Variants in GDNF observed in about 807,000 individuals in gnomAD.
The protein encoded by GDNF is glial cell derived neurotrophic factor.
In GDNF, 5 loss-of-function variants were observed where a neutral mutation model predicts 13.7. That is an observed-to-expected ratio of 0.36 (90% CI 0.19 to 0.77). The LOEUF (loss-of-function observed/expected upper bound fraction) is 0.77. Among genes scored for constraint, GDNF ranks in the 30% least tolerant of loss-of-function variants. The pLI, the probability that GDNF is intolerant of heterozygous loss-of-function variation, is 0.51. For missense variants in GDNF, 246 were observed against 274.3 expected (o/e 0.90, Z 0.73); for synonymous variants, 122 against 112.5 (o/e 1.08, Z -0.53).
At chr5:37,822,714 A>T (rs1750184186) in intron 2 of GDNF, among the ~76,000 whole-genome samples, 2 of 152,108 alleles carry the variant, frequency 1.3e-5, no homozygotes, top group African/African-American at 2.4e-5. Context: ...AAATATAGAG[A>T]TCTCTCTCGA....
chr5:37,819,313 C>T lies in GDNF; in HGVS notation c.152-3178G>A, dbSNP rs376521852. 7.8e-4 allele frequency among the ~76,000 whole-genome samples: 119 copies of T among 152,274 alleles called. 1 individual carries two copies. Among genetic ancestry groups the T allele is most frequent in the Middle Eastern group, 6.8e-3 (2 of 294 alleles). ...GAGAGCTGAAGGACTGTCTCCAAAC[C>T]ACCTTTCCTCCTCAGCTTTCTGCAG... On this transcript the variant is annotated intron_variant, in intron 2 of 2. Coordinates refer to ENST00000326524, the MANE Select transcript of GDNF (RefSeq NM_000514.4).
Position 37,814,304 on chromosome 5 carries a change from A to T in GDNF, c.*1347T>A, listed in dbSNP as rs1024042701. ...CGTGGAGGGGACTAAGAGCTTAAAG[A>T]CAACAGGAAGTGGAGCCCACGACAT... On this transcript the variant is annotated 3_prime_UTR_variant, in exon 3 of 3. Coordinates refer to ENST00000326524, the MANE Select transcript of GDNF (RefSeq NM_000514.4). 3 of 152,290 alleles carry T rather than the reference A, an allele frequency of 2.0e-5. No homozygotes were observed. Among genetic ancestry groups the T allele is most frequent in the African/African-American group, 7.2e-5 (3 of 41,454 alleles). 9.4% of individuals were successfully genotyped at this position (152,290 alleles called of 1,614,324 possible).
intron 2 of GDNF, among the ~76,000 whole-genome samples, chr5:37,817,604 A>T (rs910460211): frequency 1.3e-4 from 20 of 149,658 alleles, no homozygotes; most frequent in South Asian, 6.4e-4. Flanking sequence ...GTGTGTGTAG[A>T]GTGTGTGTGT....
intron 1 of GDNF, chr5:37,835,266 C>T: frequency 2.6e-6 from 1 of 387,618 alleles, no homozygotes; most frequent in South Asian, 3.7e-5. Context: ...TCCTATAGGC[C>T]CCTGAACGAG....
chr5:37,836,153 T>A (rs1205352148), intron 1 of GDNF, among the ~76,000 whole-genome samples: 2 of 152,228 alleles, frequency 1.3e-5, no homozygotes, highest in East Asian at 3.9e-4. Context: ...TCGATTATCC[T>A]ATCCCCTCGA....
chr5:37,835,933 C>T (rs571035750), intron 1 of GDNF: 1 of 524,458 alleles, frequency 1.9e-6, no homozygotes, highest in East Asian at 3.2e-5. Context: ...ATCCTCACAC[C>T]CCTACAAAGG....
intron 2 of GDNF, among the ~76,000 whole-genome samples, chr5:37,828,474 C>T (rs542022892): frequency 6.6e-6 from 1 of 152,312 alleles, no homozygotes; most frequent in African/African-American, 2.4e-5. Context: ...TCTCTTTTCT[C>T]TTTGCTTGCT....
Position 37,812,811 on chromosome 5 carries a change from A to C in GDNF, c.*2840T>G, listed in dbSNP as rs1749770112. On this transcript the variant is annotated 3_prime_UTR_variant, in exon 3 of 3. Transcript: ENST00000326524. ...GAAGTCAGAACTTCCAAACAAGTGC[A>C]CTCCTTACGGTATCAGATGGTGATC... 1 of 137,616 alleles carries C rather than the reference A, an allele frequency of 7.3e-6. No homozygotes were observed. Among genetic ancestry groups the C allele is most frequent in the South Asian group, 2.2e-4 (1 of 4,598 alleles). 8.5% of individuals were successfully genotyped at this position (137,616 alleles called of 1,614,324 possible). A position where few individuals can be genotyped will look rare whatever the true frequency, so the allele number is the denominator to read the frequency against.
intron 2 of GDNF, 149 bp downstream of exon 2, chr5:37,834,497 C>T: frequency 1.4e-6 from 1 of 703,760 alleles, no homozygotes; most frequent in Non-Finnish European, 2.2e-6. Flanking sequence ...CCAGGCACCC[C>T]TGGGGGCTTC....
rs919190539 is a variant in GDNF at position 37,838,816 on chromosome 5, A to G, written c.-27+691T>C. On this transcript the variant is annotated intron_variant, in intron 1 of 2. Transcript: ENST00000326524. This position sits in a 1 kb window ranked among gnomAD's most constrained non-coding sequence, Gnocchi z 4.1. ...AGGGGTCATTAAAATAATAACCTCA[A>G]TGGCCTAGTGGAGTCTCAAGAATAC... 6.6e-6 allele frequency among the ~76,000 whole-genome samples: 1 copy of G among 152,166 alleles called. No homozygotes were observed. The highest frequency in any genetic ancestry group is 1.5e-5 in the Non-Finnish European group (1 of 68,032).
Position 37,819,443 on chromosome 5 carries a change from T to TC in GDNF, c.152-3309dup, listed in dbSNP as rs1750045598. Among the ~76,000 whole-genome samples, 8 of 136,540 alleles carry TC rather than the reference T, an allele frequency of 5.9e-5. No individual in the cohort carries two copies. The South Asian group carries it at 2.0e-3, about 34-fold the overall frequency. 89.6% of individuals were successfully genotyped at this position (136,540 alleles called of 152,430 possible). A position where few individuals can be genotyped will look rare whatever the true frequency, so the allele number is the denominator to read the frequency against. On this transcript the variant is annotated intron_variant, in intron 2 of 2. Coordinates refer to ENST00000326524, the MANE Select transcript of GDNF (RefSeq NM_000514.4). Reference sequence around the variant, plus strand: ...AAGGGGGCCCAGGGAAGTGCTCTTTTCTTTTTTTTTTTTTTTTTTTGTTTT... The same window carrying TC: ...AAGGGGGCCCAGGGAAGTGCTCTTTTCCTTTTTTTTTTTTTTTTTTTGTTTT...
At chr5:37,836,958 G>A (rs1340786002) in intron 1 of GDNF, among the ~76,000 whole-genome samples, 1 of 152,246 alleles carries the variant, frequency 6.6e-6, no homozygotes, top group Non-Finnish European at 1.5e-5. Context: ...TCCCGGCTGC[G>A]GTTCCCGCCC....
intron 2 of GDNF, among the ~76,000 whole-genome samples, chr5:37,821,040 G>A (rs925498596): frequency 2.0e-5 from 3 of 152,164 alleles, no homozygotes; most frequent in South Asian, 2.1e-4. Context: ...GGGCAAATAG[G>A]CCTGCATGTT....
Position 37,837,789 on chromosome 5 carries a change from G to A in GDNF, c.-27+1718C>T, listed in dbSNP as rs1750760342. ...CCACTTCACCTGAGCGGGTTTCTTG[G>A]CAACCTGCTTTCAGACCATCCCTCA... On this transcript the variant is annotated intron_variant, in intron 1 of 2. Transcript: ENST00000326524. The surrounding 1 kb of genome is among the most constrained non-coding windows in gnomAD (Gnocchi z 6.5). Among the ~76,000 whole-genome samples, 1 of 152,020 alleles carries A rather than the reference G, an allele frequency of 6.6e-6. No individual in the cohort carries two copies. Among genetic ancestry groups the A allele is most frequent in the Non-Finnish European group, 1.5e-5 (1 of 68,002 alleles).
rs111786815 is a variant in GDNF, at chr5:37,839,312, C to T, written c.-27+195G>A. Among the ~76,000 whole-genome samples, 2 of 152,198 alleles carry T rather than the reference C, an allele frequency of 1.3e-5. No individual in the cohort carries two copies. Among genetic ancestry groups the T allele is most frequent in the Non-Finnish European group, 2.9e-5 (2 of 68,036 alleles). On this transcript the variant is annotated intron_variant, in intron 1 of 2. Transcript: ENST00000326524. This position sits in a 1 kb window ranked among gnomAD's most constrained non-coding sequence, Gnocchi z 5.5. ...AAAGGCAACATGCCCCTCCGAAAGG[C>T]CGGCCTCTCTCCGGTTCTACTTTTC...
intron 2 of GDNF, among the ~76,000 whole-genome samples, chr5:37,825,149 T>C (rs1268539832): frequency 1.3e-5 from 2 of 152,314 alleles, no homozygotes; most frequent in Middle Eastern, 3.4e-3. Flanking sequence ...TTGTACTATA[T>C]CCTAAACTGT....
intron 2 of GDNF, among the ~76,000 whole-genome samples, chr5:37,827,696 T>C (rs1936379863): frequency 1.3e-5 from 2 of 152,196 alleles, no homozygotes; most frequent in Admixed American, 1.3e-4. Context: ...ACATGTACAT[T>C]TGAATTGAAA....
At chr5:37,830,351 G>T (rs1017213405) in intron 2 of GDNF, among the ~76,000 whole-genome samples, 9 of 152,128 alleles carry the variant, frequency 5.9e-5, no homozygotes, top group Non-Finnish European at 1.3e-4. Flanking sequence ...AACCATAGGA[G>T]TTTGGTGAGA....
chr5:37,823,965 A>G (rs1750224806), intron 2 of GDNF: 2 of 659,876 alleles, frequency 3.0e-6, no homozygotes, highest in Non-Finnish European at 3.8e-6. Context: ...AAAACCCCAC[A>G]GGAGGTATTT....
Sources: gnomAD v4.1 joint callset for allele counts (sites outside exome capture counted in the v4.1 genomes callset) on GRCh38, gnomAD v4.1.1 for gene constraint, Gnocchi (gnomAD v3.1) non-coding constraint, MANE v1.5 for transcripts, NCBI Gene and HGNC (gene_info 2026-07-23, HGNC 2026-07-21) for gene names.